PHACTR1: variants seen among roughly 807,000 people sequenced by gnomAD.
PHACTR1 encodes RPEL repeat containing 1.
PHACTR1 carries 16 observed loss-of-function variants against 69.2 expected under a neutral mutation model. That is an observed-to-expected ratio of 0.23 (90% CI 0.16 to 0.35). The LOEUF (loss-of-function observed/expected upper bound fraction) is 0.35, where lower values mean the gene tolerates loss of function less well. Ranked by LOEUF, PHACTR1 falls within the 10% of genes least tolerant of loss-of-function variation. The pLI is 1.00. For missense variants in PHACTR1, 510 were observed against 734.7 expected (o/e 0.69, Z 3.54); for synonymous variants, 312 against 284.5 (o/e 1.10, Z -0.97).
rs562751132 is a variant in PHACTR1 at position 12,747,749 on chromosome 6, T to C, written c.104-1895T>C. ...TCTGAGAGAGAACAGGAAATGTTTA[T>C]AGTTAAGAAATTTGTGGTGCGTCAC... On this transcript the variant is annotated intron_variant, in intron 3 of 14. Coordinates refer to ENST00000332995, the MANE Select transcript of PHACTR1 (RefSeq NM_030948.6). Among the ~76,000 whole-genome samples, 30 of 152,230 alleles carry C rather than the reference T, an allele frequency of 2.0e-4. No individual in the cohort carries two copies. In the East Asian group the frequency reaches 3.7e-3, roughly 19 times the overall value.
At chr6:13,015,782 GTTC>G (rs1582974915) in intron 4 of PHACTR1, among the ~76,000 whole-genome samples, 2 of 152,228 alleles carry the variant, frequency 1.3e-5, no homozygotes, top group Non-Finnish European at 2.9e-5. Flanking sequence ...ACAGCACACA[GTTC>G]TTCTTGAAAC....
intron 4 of PHACTR1, among the ~76,000 whole-genome samples, chr6:12,885,746 G>A (rs572747702): frequency 2.7e-4 from 41 of 152,320 alleles, no homozygotes; most frequent in Non-Finnish European, 5.6e-4. Context: ...CTCATCTGAT[G>A]CTAGCGATGG....
At chr6:12,914,433 C>T (rs532260795) in intron 4 of PHACTR1, among the ~76,000 whole-genome samples, 3 of 152,260 alleles carry the variant, frequency 2.0e-5, no homozygotes, top group African/African-American at 7.2e-5. Flanking sequence ...TTCTTGACCT[C>T]GCTTAGCTCT....
intron 10 of PHACTR1, among the ~76,000 whole-genome samples, chr6:13,256,939 A>G (rs1005568416): frequency 6.6e-6 from 1 of 152,242 alleles, no homozygotes; most frequent in African/African-American, 2.4e-5. Context: ...CCACATATCC[A>G]GGTATCTTTA....
At chr6:12,760,820 C>T (rs1445802295) in intron 4 of PHACTR1, among the ~76,000 whole-genome samples, 1 of 152,202 alleles carries the variant, frequency 6.6e-6, no homozygotes, top group Admixed American at 6.5e-5. Context: ...GTAATCCCAA[C>T]TACTCGGGAG....
At chr6:13,103,163 C>T (rs529101050) in intron 5 of PHACTR1, among the ~76,000 whole-genome samples, 2 of 152,258 alleles carry the variant, frequency 1.3e-5, no homozygotes, top group Admixed American at 6.5e-5. Flanking sequence ...TGAATTACTT[C>T]GTCCTGTTGG....
chr6:13,233,177 G>A (rs1322100313), intron 10 of PHACTR1, among the ~76,000 whole-genome samples: 1 of 152,184 alleles, frequency 6.6e-6, no homozygotes, highest in East Asian at 1.9e-4. Flanking sequence ...TCTCCTGCCT[G>A]AATACATATC....
intron 5 of PHACTR1, among the ~76,000 whole-genome samples, chr6:13,138,307 G>T (rs998858160): frequency 6.6e-6 from 1 of 152,190 alleles, no homozygotes; most frequent in African/African-American, 2.4e-5. Context: ...TTCCTGGGTT[G>T]TAGAAGATAC....
chr6:13,254,657 A>G (rs1293584668), intron 10 of PHACTR1, among the ~76,000 whole-genome samples: 1 of 152,208 alleles, frequency 6.6e-6, no homozygotes, highest in Non-Finnish European at 1.5e-5. Flanking sequence ...TAACCTGAGG[A>G]GGGTTTATTT....
intron 4 of PHACTR1, among the ~76,000 whole-genome samples, chr6:12,925,500 T>C (rs912410721): frequency 2.0e-5 from 3 of 152,222 alleles, no homozygotes; most frequent in African/African-American, 7.2e-5. Context: ...CTATATCATA[T>C]AGCAATTGTG....
chr6:12,865,769 G>A (rs1261650181), intron 4 of PHACTR1, among the ~76,000 whole-genome samples: 1 of 152,182 alleles, frequency 6.6e-6, no homozygotes, highest in African/African-American at 2.4e-5. Context: ...TTTCCCACAA[G>A]TGTCCTTGAT....
chr6:12,951,429 A>C (rs1250944069), intron 4 of PHACTR1, among the ~76,000 whole-genome samples: 4 of 152,250 alleles, frequency 2.6e-5, no homozygotes, highest in Non-Finnish European at 5.9e-5. Context: ...AGGAGACAAA[A>C]TAAACTCATT....
At chr6:13,017,177 C>G (rs1800299406) in intron 4 of PHACTR1, among the ~76,000 whole-genome samples, 1 of 111,188 alleles carries the variant, frequency 9.0e-6, no homozygotes, top group Non-Finnish European at 1.7e-5. Flanking sequence ...AGAAGTGAGA[C>G]TCTGTCTCAA....
At chr6:12,994,237 AATATG>A (rs1322902931) in intron 4 of PHACTR1, among the ~76,000 whole-genome samples, 2 of 152,214 alleles carry the variant, frequency 1.3e-5, no homozygotes, top group Non-Finnish European at 2.9e-5. Flanking sequence ...TGAGATGAAA[AATATG>A]ATATATTAGG....
At chr6:12,841,106 T>G (rs1172034881) in intron 4 of PHACTR1, among the ~76,000 whole-genome samples, 1 of 152,218 alleles carries the variant, frequency 6.6e-6, no homozygotes, top group Non-Finnish European at 1.5e-5. Context: ...TTGCATAATA[T>G]GCACTGCATT....
chr6:13,043,443 TG>T (rs1386641474), intron 4 of PHACTR1, among the ~76,000 whole-genome samples: 1 of 146,860 alleles, frequency 6.8e-6, no homozygotes, highest in Non-Finnish European at 1.5e-5. Flanking sequence ...AAAAGGCGGG[TG>T]GGGGGTGGCG....
Position 13,186,772 on chromosome 6 carries a change from C to T in PHACTR1, c.664+4086C>T, listed in dbSNP as rs377258434. 8.5e-4 allele frequency among the ~76,000 whole-genome samples: 129 copies of T among 152,242 alleles called. 2 individuals carry two copies. The South Asian group carries it at 0.026, about 31-fold the overall frequency. ...TGTGGAAGACCATTTTTCCACAGAC[C>T]GGAGGTGGGGCGGGAGAGATTATTT... is the stretch of plus-strand genomic sequence containing the variant. On this transcript the variant is annotated intron_variant, in intron 7 of 14. Coordinates refer to ENST00000332995, the MANE Select transcript of PHACTR1 (RefSeq NM_030948.6).
intron 4 of PHACTR1, among the ~76,000 whole-genome samples, chr6:12,888,372 G>A (rs1176529701): frequency 2.6e-5 from 4 of 152,062 alleles, no homozygotes; most frequent in Non-Finnish European, 5.9e-5. Flanking sequence ...AGAACACTGA[G>A]AAATATATTT....
chr6:12,995,995 AATC>A (rs1261008045), intron 4 of PHACTR1, among the ~76,000 whole-genome samples: 1 of 152,152 alleles, frequency 6.6e-6, no homozygotes, highest in African/African-American at 2.4e-5. Context: ...ATCAAAAGTA[AATC>A]ATTTCTAAAT....
Sources: allele counts gnomAD v4.1 joint callset (sites outside exome capture counted in the v4.1 genomes callset), GRCh38; gene constraint gnomAD v4.1.1; transcripts MANE v1.5; gene names NCBI Gene and HGNC (gene_info 2026-07-23, HGNC 2026-07-21).